The following LSAMP variants were observed in gnomAD, a reference collection of about 807,000 sequenced individuals.
LSAMP encodes the protein limbic system associated membrane protein.
In LSAMP, 7 loss-of-function variants were observed where a neutral mutation model predicts 38.6. The observed-to-expected ratio is 0.18, with a 90% confidence interval of 0.10 to 0.34. The LOEUF (loss-of-function observed/expected upper bound fraction) is 0.34, where lower values mean the gene tolerates loss of function less well. LSAMP is among the 10% of genes least tolerant of loss of function. LSAMP has a pLI of 1.00. For missense variants in LSAMP, 313 were observed against 420.0 expected, an observed-to-expected ratio of 0.75 and a Z score of 2.23; for synonymous variants, 154 against 166.8, an observed-to-expected ratio of 0.92 and a Z score of 0.59.
At chr3:115,973,362 A>T (rs563061531) in intron 3 of LSAMP, among the ~76,000 whole-genome samples, 1 of 152,188 alleles carries the variant, frequency 6.6e-6, no homozygotes, top group Admixed American at 6.5e-5. Context: ...CAGATTTTGA[A>T]TTTTTTTCAG....
At chr3:116,038,512 T>C (rs919505003) in intron 2 of LSAMP, among the ~76,000 whole-genome samples, 2 of 152,184 alleles carry the variant, frequency 1.3e-5, no homozygotes, top group Non-Finnish European at 2.9e-5. Context: ...TAGAGAAAAC[T>C]AAAGCATTAA....
Position 115,805,039 on chromosome 3 carries a change from C to T in LSAMP, c.*5278G>A, listed in dbSNP as rs1933599838. On this transcript the variant is annotated 3_prime_UTR_variant, in exon 7 of 7. Transcript: ENST00000490035. ...AATAAAAACTGAGTAATATTTTGCT[C>T]ATCAAGGTTTAGGTCACTTCCTTGG... is the stretch of plus-strand genomic sequence containing the variant. 6.6e-6 allele frequency: 1 copy of T among 152,180 alleles called. No homozygotes were observed. Among genetic ancestry groups the T allele is most frequent in the African/African-American group, 2.4e-5 (1 of 41,436 alleles). 9.4% of individuals were successfully genotyped at this position (152,180 alleles called of 1,614,324 possible).
chr3:115,945,283 A>G (rs1231354175), intron 3 of LSAMP, among the ~76,000 whole-genome samples: 2 of 152,134 alleles, frequency 1.3e-5, no homozygotes, highest in Non-Finnish European at 2.9e-5. Flanking sequence ...GTGCTCACAA[A>G]TATCTATGCA....
At chr3:116,132,514 C>T (rs1204458219) in intron 1 of LSAMP, among the ~76,000 whole-genome samples, 1 of 152,178 alleles carries the variant, frequency 6.6e-6, no homozygotes, top group Non-Finnish European at 1.5e-5. Flanking sequence ...AGGACTTGAG[C>T]ACTAATGAGA....
chr3:115,816,142 T>C (rs1051397284), intron 6 of LSAMP, among the ~76,000 whole-genome samples: 9 of 152,136 alleles, frequency 5.9e-5, no homozygotes, highest in Non-Finnish European at 1.3e-4. Context: ...TTAGACACTG[T>C]TAGGGACTAG....
At chr3:116,157,908 A>G (rs1405478800) in intron 1 of LSAMP, among the ~76,000 whole-genome samples, 1 of 152,144 alleles carries the variant, frequency 6.6e-6, no homozygotes, top group Non-Finnish European at 1.5e-5. Flanking sequence ...ATAAAAAAAG[A>G]AAACTTCAGG....
chr3:116,405,243 G>A (rs537319962), intron 1 of LSAMP, among the ~76,000 whole-genome samples: 1 of 152,186 alleles, frequency 6.6e-6, no homozygotes, highest in South Asian at 2.1e-4. Context: ...CAGTTTGGGG[G>A]TGTCTCATTT....
At chr3:116,153,593 A>G (rs916846880) in intron 1 of LSAMP, among the ~76,000 whole-genome samples, 1 of 152,174 alleles carries the variant, frequency 6.6e-6, no homozygotes, top group South Asian at 2.1e-4. Context: ...TTAAAGAAGA[A>G]TTGGCATTAG....
chr3:116,277,231 A>G (rs57411025), intron 1 of LSAMP, among the ~76,000 whole-genome samples: 21,406 of 152,182 alleles, frequency 0.14, 1,700 homozygotes, highest in Admixed American at 0.19. Context: ...CCTAATTATT[A>G]TCAGCTAAAC....
At chr3:116,016,459 G>C (rs1940486014) in intron 3 of LSAMP, among the ~76,000 whole-genome samples, 1 of 152,162 alleles carries the variant, frequency 6.6e-6, no homozygotes, top group South Asian at 2.1e-4. Flanking sequence ...GAAGAGTAAA[G>C]TTGTTTCCTT....
chr3:116,172,323 T>A (rs1710221608), intron 1 of LSAMP, among the ~76,000 whole-genome samples: 1 of 151,642 alleles, frequency 6.6e-6, no homozygotes, highest in Admixed American at 6.6e-5. Flanking sequence ...GAAGTAAAAC[T>A]GGATCAATTT....
At chr3:115,970,396 G>GTAATCATAATACTGCC (rs1252913204) in intron 3 of LSAMP, among the ~76,000 whole-genome samples, 2 of 152,158 alleles carry the variant, frequency 1.3e-5, no homozygotes, top group Admixed American at 6.5e-5. Context: ...AATTATAACA[G>GTAATCATAATACTGCC]TAATCATAAT....
intron 1 of LSAMP, among the ~76,000 whole-genome samples, chr3:116,239,810 A>G (rs2046509329): frequency 6.6e-6 from 1 of 152,202 alleles, no homozygotes. Context: ...AACTCTTAGT[A>G]TACCTTCTAT....
At chr3:116,144,657 C>G (rs1709451011) in intron 1 of LSAMP, among the ~76,000 whole-genome samples, 3 of 148,436 alleles carry the variant, frequency 2.0e-5, no homozygotes, top group Admixed American at 1.4e-4. Flanking sequence ...TTTTTATTAA[C>G]CTGGTCAAAT....
intron 4 of LSAMP, among the ~76,000 whole-genome samples, chr3:115,843,890 C>T (rs920389523): frequency 1.3e-5 from 2 of 152,100 alleles, no homozygotes; most frequent in African/African-American, 2.4e-5. Flanking sequence ...TGTAAACAGG[C>T]GTGCTAAATG....
At chr3:116,225,559 A>G (rs1464370836) in intron 1 of LSAMP, among the ~76,000 whole-genome samples, 1 of 152,144 alleles carries the variant, frequency 6.6e-6, no homozygotes, top group Non-Finnish European at 1.5e-5. Context: ...AATTATTGCT[A>G]TTTGTGTTAG....
chr3:116,315,579 A>G (rs2047617925), intron 1 of LSAMP, among the ~76,000 whole-genome samples: 2 of 152,226 alleles, frequency 1.3e-5, no homozygotes, highest in Admixed American at 1.3e-4. Flanking sequence ...TTACGCTTTA[A>G]GAAATGACAC....
chr3:116,044,906 T>C (rs1342283282), intron 2 of LSAMP, among the ~76,000 whole-genome samples: 2 of 152,072 alleles, frequency 1.3e-5, no homozygotes, highest in African/African-American at 4.8e-5. Flanking sequence ...AAAGACTAGA[T>C]GCCTTTCAGT....
chr3:115,842,343 T>C (rs1308192542), intron 5 of LSAMP, 115 bp downstream of exon 5: 1 of 1,335,430 alleles, frequency 7.5e-7, no homozygotes, highest in East Asian at 2.5e-5. Context: ...AGGAAGAGTG[T>C]GAGAATATAG....
Sources: gnomAD v4.1 joint callset for allele counts (sites outside exome capture counted in the v4.1 genomes callset) on GRCh38, gnomAD v4.1.1 for gene constraint, MANE v1.5 for transcripts, NCBI Gene and HGNC (gene_info 2026-07-23, HGNC 2026-07-21) for gene names.